Variants in SORL1 observed in about 807,000 individuals in gnomAD.
The protein encoded by SORL1 is sortilin related receptor 1, also known as sortilin-related receptor.
SORL1 carries 127 observed loss-of-function variants against 273.7 expected under a neutral mutation model. The ratio of observed to expected loss-of-function variants is 0.46; its 90% confidence interval spans 0.40 to 0.54. The LOEUF is 0.54. Ranked by LOEUF, SORL1 falls within the 20% of genes least tolerant of loss-of-function variation. SORL1 has a pLI of 0.00. For synonymous variants in SORL1, 1,031 were observed against 1,067.4 expected, an observed-to-expected ratio of 0.97 and a Z score of 0.66; for missense variants, 2,494 against 2,846.1, an observed-to-expected ratio of 0.88 and a Z score of 2.81.
intron 21 of SORL1, among the ~76,000 whole-genome samples, chr11:121,565,726 T>C (rs971975334): frequency 6.6e-6 from 1 of 152,216 alleles, no homozygotes; most frequent in African/African-American, 2.4e-5. Context: ...ATGTTTCAGA[T>C]TGTTATAAAA....
In SORL1 at chr11:121,629,705, AG is replaced by A. The variant is rs1282648587; in HGVS notation, c.*144del. On this transcript the variant is annotated 3_prime_UTR_variant, in exon 48 of 48. Transcript: ENST00000260197. Reference sequence around the variant, plus strand: ...AAAACAAAAAACAAAAAAAAAAAAAAGGAAAGAAAGGAATGAATAAACTTTG... The same window carrying A: ...AAAACAAAAAACAAAAAAAAAAAAAAGAAAGAAAGGAATGAATAAACTTTG... 1 of 595,272 alleles carries A rather than the reference AG, an allele frequency of 1.7e-6. No homozygotes were observed. Among genetic ancestry groups the A allele is most frequent in the Non-Finnish European group, 3.0e-6 (1 of 335,944 alleles). 36.9% of individuals were successfully genotyped at this position (595,272 alleles called of 1,614,324 possible).
intron 32 of SORL1, among the ~76,000 whole-genome samples, chr11:121,598,862 A>G (rs886303106): frequency 3.3e-5 from 5 of 152,160 alleles, no homozygotes. Flanking sequence ...TTTCCTCTCC[A>G]GGAATGTCAC....
intron 11 of SORL1, among the ~76,000 whole-genome samples, chr11:121,523,677 C>T (rs573205114): frequency 1.3e-5 from 2 of 152,102 alleles, no homozygotes; most frequent in African/African-American, 2.4e-5. Flanking sequence ...CGTTTGGTCT[C>T]GTTCTGTAGG....
intron 29 of SORL1, 130 bp downstream of exon 29, chr11:121,589,520 A>C (rs1318668868): frequency 8.8e-7 from 1 of 1,140,886 alleles, no homozygotes; most frequent in Non-Finnish European, 1.3e-6. Context: ...AGTTGCTGCC[A>C]GTTCCTGAAT....
intron 12 of SORL1, among the ~76,000 whole-genome samples, chr11:121,536,371 C>A (rs796447172): frequency 1.3e-5 from 2 of 151,842 alleles, no homozygotes; most frequent in Non-Finnish European, 2.9e-5. Flanking sequence ...TTTATCCTAA[C>A]CCCTGTGGTT....
chr11:121,472,490 T>C (rs1861186639), intron 2 of SORL1, among the ~76,000 whole-genome samples: 2 of 152,150 alleles, frequency 1.3e-5, no homozygotes, highest in South Asian at 2.1e-4. Context: ...ATGTACTCAG[T>C]GTGCGAAGAT....
Position 121,473,237 on chromosome 11 carries a change from C to G in SORL1, c.402+3114C>G, listed in dbSNP as rs537961283. ...CAGTCCAGAAGGGAAAGAACCTAAA[C>G]AAATCAGGAACTGTGTGGGTGTTGG... On this transcript the variant is annotated intron_variant, in intron 2 of 47. Transcript: ENST00000260197. Among the ~76,000 whole-genome samples the G allele has an allele frequency of 3.9e-5, 6 of 152,264 alleles. No individual in the cohort carries two copies. In the South Asian group the frequency reaches 1.2e-3, roughly 32 times the overall value.
intron 29 of SORL1, 84 bp from the exon 30 acceptor site, chr11:121,589,956 G>T: frequency 2.0e-6 from 3 of 1,533,148 alleles, no homozygotes; most frequent in Non-Finnish European, 2.7e-6. Context: ...TGGAACTTGG[G>T]TCTGGAGGAG....
intron 21 of SORL1, 110 bp downstream of exon 21, chr11:121,559,767 A>G: frequency 1.1e-6 from 1 of 874,036 alleles, no homozygotes; most frequent in Non-Finnish European, 1.8e-6. Flanking sequence ...CTTTGTTGTC[A>G]CGACAACATG....
At chr11:121,516,428 G>C (rs978295859) in intron 8 of SORL1, among the ~76,000 whole-genome samples, 5 of 152,142 alleles carry the variant, frequency 3.3e-5, no homozygotes, top group African/African-American at 1.2e-4. Flanking sequence ...GGCCACACAG[G>C]GAGTCAGGGA....
intron 3 of SORL1, among the ~76,000 whole-genome samples, chr11:121,480,590 C>G (rs1339662456): frequency 6.6e-6 from 1 of 151,824 alleles, no homozygotes; most frequent in East Asian, 1.9e-4. Flanking sequence ...TATAGGCAGG[C>G]TCCATCTCCT....
At chr11:121,590,541 G>T in intron 30 of SORL1, 2 of 528,686 alleles carry the variant, frequency 3.8e-6, no homozygotes, top group Non-Finnish European at 6.8e-6. Context: ...CCCAGGTCCT[G>T]TGTGCTCCAC....
intron 11 of SORL1, among the ~76,000 whole-genome samples, chr11:121,528,853 T>C (rs779190797): frequency 5.3e-5 from 8 of 152,164 alleles, no homozygotes; most frequent in Non-Finnish European, 1.0e-4. Context: ...TTGTTTGAGG[T>C]AGTGTTCTGT....
chr11:121,595,893 C>G lies in SORL1; in HGVS notation c.4519+121C>G. 2 of 1,084,036 alleles carry G rather than the reference C, an allele frequency of 1.8e-6. No homozygotes were observed. Among genetic ancestry groups the G allele is most frequent in the South Asian group, 3.3e-5 (2 of 60,068 alleles). The allele number at this position is 1,084,036 out of a possible 1,614,324, so 67.2% of individuals were successfully genotyped here. ...TGTGTGAGTCTGTGTACTTGCGTAA[C>G]CATGCTCTTACTGCATTCTCCACAA... is the stretch of plus-strand genomic sequence containing the variant. On this transcript the variant is annotated intron_variant, in intron 32 of 47. Coordinates refer to ENST00000260197, the MANE Select transcript of SORL1 (RefSeq NM_003105.6). The surrounding 1 kb of genome is among the most constrained non-coding windows in gnomAD (Gnocchi z 5.1).
At chr11:121,574,495 T>A (rs1862897045) in intron 24 of SORL1, 132 bp downstream of exon 24, 4 of 779,188 alleles carry the variant, frequency 5.1e-6, no homozygotes, top group Non-Finnish European at 8.2e-6. Context: ...CTGAATGGCT[T>A]TCTCCATCCA....
intron 18 of SORL1, among the ~76,000 whole-genome samples, chr11:121,556,638 T>G (rs1862590751): frequency 6.6e-6 from 1 of 152,166 alleles, no homozygotes; most frequent in Admixed American, 6.5e-5. Context: ...TGCAAAATGG[T>G]GTCAGATGAG....
chr11:121,499,348 C>T (rs1356447248), intron 6 of SORL1, among the ~76,000 whole-genome samples: 1 of 152,078 alleles, frequency 6.6e-6, no homozygotes, highest in Non-Finnish European at 1.5e-5. Flanking sequence ...TGAGTTAGGC[C>T]ACCACTGAGA....
chr11:121,522,562 C>T lies in SORL1; in HGVS notation c.1405-24C>T, dbSNP rs553172438. 59 of 1,544,506 alleles carry T rather than the reference C, an allele frequency of 3.8e-5. 1 individual carries two copies. In the South Asian group the frequency reaches 5.9e-4, roughly 15 times the overall value. On this transcript the variant is annotated intron_variant, in intron 9 of 47. Transcript: ENST00000260197. ...CTAGGCATGGTATCATGTGCTGACA[C>T]TGCCTGAAACTTTGGTTGTATAGCT...
intron 5 of SORL1, 63 bp downstream of exon 5, chr11:121,490,173 T>C: frequency 8.5e-7 from 1 of 1,173,540 alleles, no homozygotes; most frequent in Non-Finnish European, 1.3e-6. Flanking sequence ...TCTAGCTCCT[T>C]CTTGGTGGAC....
Sources: allele counts gnomAD v4.1 joint callset (sites outside exome capture counted in the v4.1 genomes callset), GRCh38; gene constraint gnomAD v4.1.1; non-coding constraint Gnocchi (gnomAD v3.1); transcripts MANE v1.5; gene names NCBI Gene and HGNC (gene_info 2026-07-23, HGNC 2026-07-21).